Variants in JAK1 observed in about 807,000 individuals in gnomAD.
The protein encoded by JAK1 is Janus kinase 1.
JAK1 carries 16 observed loss-of-function variants against 136.6 expected under a neutral mutation model. That is an observed-to-expected ratio of 0.12 (90% CI 0.08 to 0.18). The LOEUF (loss-of-function observed/expected upper bound fraction) is 0.18, where lower values mean the gene tolerates loss of function less well. JAK1 is among the 10% of genes least tolerant of loss of function. The pLI is 1.00. For missense variants in JAK1, 859 were observed against 1,450.1 expected (o/e 0.59, Z 6.62); for synonymous variants, 492 against 519.5 (o/e 0.95, Z 0.72).
intron 2 of JAK1, among the ~76,000 whole-genome samples, chr1:65,002,793 C>T (rs1646771734): frequency 6.6e-6 from 1 of 152,206 alleles, no homozygotes; most frequent in African/African-American, 2.4e-5. Context: ...GGCCAGTCTG[C>T]GCCTGCCGCA....
chr1:64,844,933 G>A lies in JAK1; in HGVS notation c.2116-44C>T, dbSNP rs376038360. On this transcript the variant is annotated intron_variant, in intron 15 of 24. Coordinates refer to ENST00000342505, the MANE Select transcript of JAK1 (RefSeq NM_002227.4). This position sits in a 1 kb window ranked among gnomAD's most constrained non-coding sequence, Gnocchi z 5.7. ...AAGTTTAGCCAAGCTGCTCCTTCCC[G>A]CATTCTATTTCCAACCCTGGTCCCT... 18 of 1,612,480 alleles carry A rather than the reference G, an allele frequency of 1.1e-5. No homozygotes were observed. The highest frequency in any genetic ancestry group is 1.6e-4 in the Middle Eastern group (1 of 6,072).
intron 1 of JAK1, among the ~76,000 whole-genome samples, chr1:64,897,660 G>C (rs1044498403): frequency 1.3e-5 from 2 of 151,218 alleles, no homozygotes; most frequent in African/African-American, 4.9e-5. Context: ...GATGAGGTAA[G>C]GAGGAAAACT....
chr1:64,963,762 C>G (rs1249340121), intron 1 of JAK1, among the ~76,000 whole-genome samples: 1 of 152,136 alleles, frequency 6.6e-6, no homozygotes, highest in Non-Finnish European at 1.5e-5. Context: ...AAATTTGCCA[C>G]AAGAGCCCAG....
chr1:64,857,072 A>C (rs1448975976), intron 10 of JAK1, among the ~76,000 whole-genome samples: 1 of 152,200 alleles, frequency 6.6e-6, no homozygotes, highest in Non-Finnish European at 1.5e-5. Flanking sequence ...ATTCTGGTGA[A>C]TATCTTAGCC....
At chr1:64,956,927 T>C (rs771910217) in intron 1 of JAK1, among the ~76,000 whole-genome samples, 1 of 152,044 alleles carries the variant, frequency 6.6e-6, no homozygotes, top group Non-Finnish European at 1.5e-5. Flanking sequence ...AGAAAGGAAG[T>C]CCTTACTGTG....
At chr1:64,905,564 T>C (rs1645177460) in intron 1 of JAK1, among the ~76,000 whole-genome samples, 1 of 152,106 alleles carries the variant, frequency 6.6e-6, no homozygotes, top group Admixed American at 6.5e-5. Context: ...CTGTAAAATT[T>C]CCCAAATACC....
chr1:64,953,524 TAAA>T (rs747162903), intron 1 of JAK1, among the ~76,000 whole-genome samples: 99 of 152,242 alleles, frequency 6.5e-4, no homozygotes, highest in Non-Finnish European at 1.1e-3. Flanking sequence ...AAAGCAACAG[TAAA>T]TCTCGTCTGA....
chr1:64,961,002 T>C lies in JAK1; in HGVS notation c.-78+5331A>G, dbSNP rs114108386. ...TTTCACTTTTGAGTTTTGGTTCTCC[T>C]TGTCATAAACCAGTAGAAACTCCTT... On this transcript the variant is annotated intron_variant, in intron 1 of 24. Coordinates refer to ENST00000342505, the MANE Select transcript of JAK1 (RefSeq NM_002227.4). Among the ~76,000 whole-genome samples the C allele has an allele frequency of 8.0e-3, 1,213 of 152,340 alleles. 19 individuals are homozygous for C. Among genetic ancestry groups the C allele is most frequent in the African/African-American group, 0.028 (1,157 of 41,556 alleles).
intron 6 of JAK1, among the ~76,000 whole-genome samples, chr1:64,868,106 G>A (rs1656822963): frequency 6.6e-6 from 1 of 152,130 alleles, no homozygotes; most frequent in Non-Finnish European, 1.5e-5. Context: ...ATATGAATCA[G>A]ATATATTATT....
intron 2 of JAK1, chr1:64,993,559 C>G (rs1646677025): frequency 6.6e-6 from 1 of 152,184 alleles, no homozygotes; most frequent in Admixed American, 6.5e-5. Context: ...GATGATTTCT[C>G]TTTTGTCTAC....
At position 64,869,436 on chromosome 1, in the gene JAK1, T is replaced by C. The variant is rs768975193; in HGVS notation, c.522A>G (p.Arg174=). Reference sequence around the variant, plus strand: ...GTCCATCCTGCTCGGTCTTGGGGTCTCGAATAGGAGCCAGGCATTTCACCA... The same window carrying C: ...GTCCATCCTGCTCGGTCTTGGGGTCCCGAATAGGAGCCAGGCATTTCACCA... ...YDLVKCLAPI[R]DPKTEQDGHD... is the part of the protein sequence containing the mutation. Residue 174 remains arginine, a synonymous_variant, in exon 6 of 25, where the codon CGA becomes CGG. Transcript: ENST00000342505. 29 of 1,613,842 alleles carry C rather than the reference T, an allele frequency of 1.8e-5. No homozygotes were observed. In the South Asian group the frequency reaches 3.2e-4, roughly 18 times the overall value.
chr1:64,875,660 C>T (rs1489083761), intron 4 of JAK1, among the ~76,000 whole-genome samples: 1 of 152,176 alleles, frequency 6.6e-6, no homozygotes, highest in East Asian at 1.9e-4. Flanking sequence ...ACGAAAGTGA[C>T]TGAGAATTTG....
chr1:64,978,532 C>A (rs1569805881), intron 2 of JAK1, among the ~76,000 whole-genome samples: 2 of 152,124 alleles, frequency 1.3e-5, no homozygotes, highest in African/African-American at 4.8e-5. Context: ...AAGCTTAAGA[C>A]ATAATGAATG....
intron 1 of JAK1, among the ~76,000 whole-genome samples, chr1:64,958,309 G>A (rs1172812712): frequency 2.0e-5 from 3 of 152,136 alleles, no homozygotes; most frequent in East Asian, 1.9e-4. Context: ...GTGAATGGTC[G>A]TTCTACACAA....
At chr1:64,835,330 G>T in intron 24 of JAK1, 66 bp downstream of exon 24, 2 of 828,944 alleles carry the variant, frequency 2.4e-6, no homozygotes, top group Non-Finnish European at 3.9e-6. Context: ...CCCATTGCTG[G>T]ACAACTCAAG....
chr1:64,881,484 T>C (rs1301359735), intron 3 of JAK1, among the ~76,000 whole-genome samples: 1 of 152,040 alleles, frequency 6.6e-6, no homozygotes, highest in Non-Finnish European at 1.5e-5. Context: ...AACAAAACTT[T>C]ACCCCACAGA....
chr1:65,010,676 A>G (rs1281310640), intron 2 of JAK1, among the ~76,000 whole-genome samples: 1 of 152,244 alleles, frequency 6.6e-6, no homozygotes, highest in Non-Finnish European at 1.5e-5. Context: ...TAATACAAAT[A>G]TTCTTTATTT....
intron 4 of JAK1, among the ~76,000 whole-genome samples, chr1:64,878,204 C>T (rs1644704821): frequency 6.6e-6 from 1 of 152,204 alleles, no homozygotes; most frequent in Admixed American, 6.5e-5. Flanking sequence ...ATCTCCACTG[C>T]TAAACACACA....
chr1:65,018,487 A>AG (rs1394294153), intron 2 of JAK1, among the ~76,000 whole-genome samples: 2 of 96,042 alleles, frequency 2.1e-5, no homozygotes, highest in African/African-American at 5.2e-5. Context: ...AGAGAGAGAG[A>AG]ACACACACAC....
Sources: gnomAD v4.1 joint callset for allele counts (sites outside exome capture counted in the v4.1 genomes callset) on GRCh38, gnomAD v4.1.1 for gene constraint, Gnocchi (gnomAD v3.1) non-coding constraint, MANE v1.5 for transcripts, NCBI Gene and HGNC (gene_info 2026-07-23, HGNC 2026-07-21) for gene names.